Variants in RGS6 observed in about 807,000 individuals in gnomAD.
RGS6 encodes regulator of G-protein signaling 6.
A neutral mutation model predicts 78.5 loss-of-function variants in RGS6; 30 were observed. The ratio of observed to expected loss-of-function variants is 0.38; its 90% CI spans 0.29 to 0.52. The LOEUF is 0.52. Ranked by LOEUF, RGS6 falls within the 20% of genes least tolerant of loss-of-function variation. RGS6 has a pLI of 0.85. For missense variants in RGS6, 495 were observed against 609.7 expected, an observed-to-expected ratio of 0.81 and a Z score of 1.98; for synonymous variants, 206 against 206.0, an observed-to-expected ratio of 1.00 and a Z score of 0.00.
intron 2 of RGS6, among the ~76,000 whole-genome samples, chr14:72,196,818 A>G (rs1056401304): frequency 6.6e-6 from 1 of 152,172 alleles, no homozygotes; most frequent in Non-Finnish European, 1.5e-5. Flanking sequence ...TGCCTATTCT[A>G]CTGTGAAATG....
At chr14:71,909,238 G>A in the RGS6 span, among the ~76,000 whole-genome samples, 1 of 152,140 alleles carries the variant, frequency 6.6e-6, no homozygotes, top group African/African-American at 2.4e-5. Context: ...CTGTAATAGA[G>A]TAGTTTCCAA....
rs182376503 is a variant in RGS6, at chr14:71,984,836, T to C, written c.84+19961T>C. Reference sequence around the variant, plus strand: ...GAGCCTTCTGCCAATGAATTTTTTTTCCATTCCTCTTCAGAAATAATCGCT... The same window carrying C: ...GAGCCTTCTGCCAATGAATTTTTTTCCCATTCCTCTTCAGAAATAATCGCT... On this transcript the variant is annotated intron_variant, in intron 2 of 17. Coordinates refer to ENST00000553525, the MANE Select transcript of RGS6 (RefSeq NM_001204424.2). Among the ~76,000 whole-genome samples, 39 of 152,300 alleles carry C rather than the reference T, an allele frequency of 2.6e-4. No individual in the cohort carries two copies. The East Asian group carries it at 6.6e-3, about 26-fold the overall frequency.
At chr14:71,981,294 G>A (rs1261450347) in intron 2 of RGS6, among the ~76,000 whole-genome samples, 3 of 152,088 alleles carry the variant, frequency 2.0e-5, no homozygotes, top group Non-Finnish European at 2.9e-5. Context: ...GCTTTGTTCC[G>A]TTGCTGGTGA....
chr14:72,243,708 G>A (rs2053502057), intron 2 of RGS6, among the ~76,000 whole-genome samples: 1 of 151,852 alleles, frequency 6.6e-6, no homozygotes, highest in Admixed American at 6.6e-5. Flanking sequence ...TCGTTTAATG[G>A]GGAAGGGAAC....
In RGS6 at chr14:72,566,418, C is replaced by T. The variant is rs1567150119; in HGVS notation, c.*3951C>T. 6.6e-6 allele frequency: 1 copy of T among 152,354 alleles called. No homozygotes were observed. Among genetic ancestry groups the T allele is most frequent in the East Asian group, 1.9e-4 (1 of 5,180 alleles). The allele number at this position is 152,354 out of a possible 1,614,324, so 9.4% of individuals were successfully genotyped here. A position where few individuals can be genotyped will look rare whatever the true frequency, so the allele number is the denominator to read the frequency against. On this transcript the variant is annotated 3_prime_UTR_variant, in exon 18 of 18. Transcript: ENST00000553525. Reference sequence around the variant, plus strand: ...CACGGACTCATCGGAATGGCCTCCTCTTAGTGCATGTGGTTCTCTTTAGTT... The same window carrying T: ...CACGGACTCATCGGAATGGCCTCCTTTTAGTGCATGTGGTTCTCTTTAGTT...
At chr14:71,999,175 G>T (rs191784648) in intron 2 of RGS6, among the ~76,000 whole-genome samples, 63 of 152,284 alleles carry the variant, frequency 4.1e-4, no homozygotes, top group African/African-American at 1.4e-3. Flanking sequence ...AATAATTATC[G>T]TAGGTTCTTT....
At chr14:71,957,595 G>A (rs183876215) in intron 1 of RGS6, among the ~76,000 whole-genome samples, 14 of 152,206 alleles carry the variant, frequency 9.2e-5, no homozygotes, top group Admixed American at 5.2e-4. Context: ...CCAGAGCAGC[G>A]TGGAGTTCAG....
At chr14:72,361,042 A>C (rs2081346329) in intron 3 of RGS6, among the ~76,000 whole-genome samples, 1 of 148,480 alleles carries the variant, frequency 6.7e-6, no homozygotes, top group Non-Finnish European at 1.5e-5. Context: ...AAGTTTCCTG[A>C]GGTCTCCCTA....
chr14:72,125,182 A>G (rs1340409018), intron 2 of RGS6, among the ~76,000 whole-genome samples: 2 of 152,160 alleles, frequency 1.3e-5, no homozygotes, highest in Non-Finnish European at 2.9e-5. Context: ...ACCTCAGGAA[A>G]GCATGTGTTG....
intron 2 of RGS6, among the ~76,000 whole-genome samples, chr14:72,251,223 G>T (rs778239569): frequency 3.3e-5 from 5 of 152,182 alleles, no homozygotes. Flanking sequence ...AAAGTTTCTT[G>T]GGTAATTTCC....
intron 2 of RGS6, among the ~76,000 whole-genome samples, chr14:72,296,627 T>A (rs570632083): frequency 2.0e-5 from 3 of 152,332 alleles, no homozygotes; most frequent in South Asian, 4.1e-4. Context: ...TTTTGTCAAA[T>A]GTCTATTCAG....
At chr14:72,417,725 C>T (rs907425520) in intron 3 of RGS6, among the ~76,000 whole-genome samples, 2 of 152,308 alleles carry the variant, frequency 1.3e-5, no homozygotes, top group South Asian at 2.1e-4. Context: ...ACATACCTCA[C>T]GGAGTTGTTC....
chr14:72,092,048 G>C (rs12147493), intron 2 of RGS6, among the ~76,000 whole-genome samples: 62 of 146,090 alleles, frequency 4.2e-4, no homozygotes, highest in Admixed American at 2.4e-3. Context: ...TTTTGAGACA[G>C]TCTCTCTCTC....
chr14:72,136,770 G>A (rs974333979), intron 2 of RGS6, among the ~76,000 whole-genome samples: 10 of 152,178 alleles, frequency 6.6e-5, no homozygotes, highest in Admixed American at 5.2e-4. Flanking sequence ...AACTTATTGA[G>A]CTTTTTTAGG....
At chr14:72,485,471 C>T (rs1328669088) in intron 12 of RGS6, among the ~76,000 whole-genome samples, 2 of 152,160 alleles carry the variant, frequency 1.3e-5, no homozygotes, top group African/African-American at 2.4e-5. Flanking sequence ...CCTGCCTGGC[C>T]TTCTCATTGT....
At chr14:72,583,795 C>A in the RGS6 span, among the ~76,000 whole-genome samples, 2 of 152,144 alleles carry the variant, frequency 1.3e-5, no homozygotes, top group African/African-American at 2.4e-5. Flanking sequence ...CATATGGTGC[C>A]AGTTTGGATC....
rs7158646 is a variant in RGS6 at position 72,477,180 on chromosome 14, C to T, written c.792+340C>T. On this transcript the variant is annotated intron_variant, in intron 11 of 17. Transcript: ENST00000553525. ...TCACACAGTCCTTATAATTGGAATG[C>T]ACCAGCTCAGGATGGTCTACTTTAT... The T allele has an allele frequency of 5.2e-3, 1,283 of 247,516 alleles. 5 individuals carry two copies. The highest frequency in any genetic ancestry group is 7.8e-3 in the Non-Finnish European group (1,002 of 129,000). 15.3% of individuals were successfully genotyped at this position (247,516 alleles called of 1,614,324 possible). A position where few individuals can be genotyped will look rare whatever the true frequency, so the allele number is the denominator to read the frequency against.
At chr14:72,274,062 G>T (rs1202271350) in intron 2 of RGS6, among the ~76,000 whole-genome samples, 1 of 152,166 alleles carries the variant, frequency 6.6e-6, no homozygotes, top group Non-Finnish European at 1.5e-5. Context: ...CCACAGAGAT[G>T]GTGGCTGTGC....
intron 2 of RGS6, among the ~76,000 whole-genome samples, chr14:72,065,411 T>C (rs919402289): frequency 8.5e-5 from 13 of 152,242 alleles, no homozygotes; most frequent in African/African-American, 3.1e-4. Flanking sequence ...ATTTCTACAT[T>C]GATTTATGTT....
Sources: gnomAD v4.1 joint callset for allele counts (sites outside exome capture counted in the v4.1 genomes callset) on GRCh38, gnomAD v4.1.1 for gene constraint, MANE v1.5 for transcripts, NCBI Gene and HGNC (gene_info 2026-07-23, HGNC 2026-07-21) for gene names.